The following GLB1L3 variants were observed in gnomAD, a reference collection of about 807,000 sequenced individuals.
GLB1L3 encodes the protein galactosidase beta 1 like 3, also known as beta-galactosidase-1-like protein 3.
In GLB1L3, 89 loss-of-function variants were observed where a neutral mutation model predicts 89.5. The ratio of observed to expected loss-of-function variants is 0.99; its 90% confidence interval spans 0.84 to 1.19. GLB1L3 has a LOEUF of 1.19. GLB1L3 is among the 50% of genes most tolerant of loss of function. GLB1L3 has a pLI of 0.00. For synonymous variants in GLB1L3, 314 were observed against 312.3 expected, an observed-to-expected ratio of 1.01 and a Z score of -0.06; for missense variants, 812 against 813.3, an observed-to-expected ratio of 1.00 and a Z score of 0.02.
chr11:134,302,606 T>A (rs954262739), intron 9 of GLB1L3, among the ~76,000 whole-genome samples: 1 of 152,226 alleles, frequency 6.6e-6, no homozygotes, highest in Non-Finnish European at 1.5e-5. Context: ...GTGAAAATTC[T>A]ATGTACTAAG....
At chr11:134,295,603 A>G (rs1025011872) in intron 9 of GLB1L3, among the ~76,000 whole-genome samples, 11 of 152,154 alleles carry the variant, frequency 7.2e-5, no homozygotes, top group Admixed American at 2.6e-4. Flanking sequence ...TGTGTCTTCA[A>G]CTTCCTTGGT....
intron 6 of GLB1L3, among the ~76,000 whole-genome samples, chr11:134,288,335 C>T (rs1343876530): frequency 6.6e-6 from 1 of 152,130 alleles, no homozygotes; most frequent in Non-Finnish European, 1.5e-5. Context: ...GAGTAAGTTT[C>T]CATGATCATG....
chr11:134,294,698 C>T (rs1296436354), intron 9 of GLB1L3, among the ~76,000 whole-genome samples: 1 of 152,228 alleles, frequency 6.6e-6, no homozygotes, highest in Non-Finnish European at 1.5e-5. Context: ...TATAAATTTA[C>T]CTTTTCTAGA....
At chr11:134,290,428 C>T (rs1941283709) in intron 7 of GLB1L3, among the ~76,000 whole-genome samples, 1 of 151,852 alleles carries the variant, frequency 6.6e-6, no homozygotes, top group African/African-American at 2.4e-5. Context: ...CAAAAATTAG[C>T]TGGGCGTGGT....
chr11:134,286,368 C>T (rs1940981909), intron 6 of GLB1L3, among the ~76,000 whole-genome samples: 1 of 152,200 alleles, frequency 6.6e-6, no homozygotes, highest in Non-Finnish European at 1.5e-5. Flanking sequence ...TAAACTCTGG[C>T]TCCGTTAGGT....
At position 134,311,134 on chromosome 11, in the gene GLB1L3, C is replaced by T; in HGVS notation, c.1251C>T (p.Tyr417=). ...AVYPPVRPSL[Y]LPLWDALSYL... The stretch of plus-strand genomic sequence containing the variant: ...ATCCCCCCGTGAGACCGTCGCTGTA[C>T]CTCCCGCTGTGGGACGCCCTATCCT... The change falls in exon 13 of 20, where the codon TAC becomes TAT. Residue 417 remains tyrosine (Y), a synonymous_variant. Coordinates refer to ENST00000431683, the MANE Select transcript of GLB1L3 (RefSeq NM_001080407.3). 1.2e-6 allele frequency: 2 copies of T among 1,613,926 alleles called. No individual in the cohort carries two copies. The highest frequency in any genetic ancestry group is 2.2e-5 in the South Asian group (2 of 91,072).
At chr11:134,321,595 AAGG>A (rs1395606103), downstream of GLB1L3, among the ~76,000 whole-genome samples, 3 of 152,188 alleles carry the variant, frequency 2.0e-5, no homozygotes, top group African/African-American at 2.4e-5. Flanking sequence ...AGCCATAAAA[AAGG>A]AGGAGTTCAT....
At chr11:134,303,406 T>G (rs1350290158) in intron 9 of GLB1L3, among the ~76,000 whole-genome samples, 1 of 152,244 alleles carries the variant, frequency 6.6e-6, no homozygotes, top group Non-Finnish European at 1.5e-5. Context: ...TAAGTGTTTC[T>G]TTTCTTTTTC....
At chr11:134,283,033 A>G (rs1940784183) in intron 5 of GLB1L3, among the ~76,000 whole-genome samples, 1 of 151,904 alleles carries the variant, frequency 6.6e-6, no homozygotes, top group Admixed American at 6.6e-5. Flanking sequence ...GAAATGTGAC[A>G]CTGTGCCTAA....
At chr11:134,291,541 C>A (rs932715025) in intron 7 of GLB1L3, among the ~76,000 whole-genome samples, 3 of 152,134 alleles carry the variant, frequency 2.0e-5, no homozygotes, top group Non-Finnish European at 4.4e-5. Flanking sequence ...CTGGCCTCTC[C>A]CATGTACTTT....
At chr11:134,290,307 G>A (rs1473662264) in intron 7 of GLB1L3, among the ~76,000 whole-genome samples, 3 of 152,106 alleles carry the variant, frequency 2.0e-5, no homozygotes, top group Non-Finnish European at 2.9e-5. Flanking sequence ...GCTCAGTGGC[G>A]CATGCCTAGA....
chr11:134,312,494 G>A lies in GLB1L3; in HGVS notation c.1428+5G>A. 2 of 1,610,500 alleles carry A rather than the reference G, an allele frequency of 1.2e-6. No homozygotes were observed. The highest frequency in any genetic ancestry group is 1.1e-5 in the South Asian group (1 of 91,012). On this transcript the variant is annotated splice_donor_5th_base_variant and intron_variant, in intron 14 of 19. Transcript: ENST00000431683. Reference sequence around the variant, plus strand: ...CACGCTCATGACGTGGCACAGGTAGGGCCAGCAGGCTGTCTGTGTGGGAAG... The same window carrying A: ...CACGCTCATGACGTGGCACAGGTAGAGCCAGCAGGCTGTCTGTGTGGGAAG...
chr11:134,310,357 C>T (rs1462980981), intron 11 of GLB1L3: 2 of 561,170 alleles, frequency 3.6e-6, no homozygotes, highest in Non-Finnish European at 6.3e-6. Context: ...TGGGGGCAAG[C>T]CCAGTGTCAT....
At chr11:134,313,748 G>T (rs1260730191) in intron 16 of GLB1L3, among the ~76,000 whole-genome samples, 193 bp from the exon 17 acceptor site, 3 of 152,210 alleles carry the variant, frequency 2.0e-5, no homozygotes, top group Non-Finnish European at 4.4e-5. Flanking sequence ...AGTACTAAGT[G>T]GGGGAACTTT....
chr11:134,305,915 T>C (rs1468315829), intron 9 of GLB1L3, among the ~76,000 whole-genome samples: 1 of 152,146 alleles, frequency 6.6e-6, no homozygotes, highest in African/African-American at 2.4e-5. Context: ...CTAATATTAC[T>C]ATTAGTATAA....
chr11:134,322,373 C>T (rs943070938), downstream of GLB1L3, among the ~76,000 whole-genome samples: 7 of 152,098 alleles, frequency 4.6e-5, no homozygotes, highest in South Asian at 4.1e-4. Context: ...ACTTGAGAAA[C>T]GTTTGTTCTA....
rs369453594 is a variant in GLB1L3, at chr11:134,312,384, C to A, written c.1323C>A (p.Asn441Lys). The A allele has an allele frequency of 6.2e-7, 1 of 1,613,854 alleles. No homozygotes were observed. ...CGCGTCAGCCCGTCAACATGGAGAA[C>A]CTTCCCATAAACAATGGGAGCGGCC... is the stretch of plus-strand genomic sequence containing the variant. ...VRSRQPVNME[N>K]LPINNGSGQS... Residue 441 changes from asparagine to lysine, a missense_variant, in exon 14 of 20, where the codon AAC (asparagine) becomes AAA (lysine). By Grantham distance (94) the Asn-to-Lys change is moderately conservative. Coordinates refer to ENST00000431683, the MANE Select transcript of GLB1L3 (RefSeq NM_001080407.3).
intron 1 of GLB1L3, 31 bp downstream of exon 1, chr11:134,276,794 C>T (rs1381774597): frequency 1.4e-6 from 2 of 1,398,950 alleles, no homozygotes; most frequent in African/African-American, 1.5e-5. Flanking sequence ...TCCCGGGCTG[C>T]CCACCACCCC....
intron 18 of GLB1L3, chr11:134,316,762 G>A (rs1943000231): frequency 6.6e-6 from 1 of 152,148 alleles, no homozygotes; most frequent in Non-Finnish European, 1.5e-5. Flanking sequence ...ACCTACTCTT[G>A]CTCTTTCACC....
Sources: gnomAD v4.1 joint callset for allele counts (sites outside exome capture counted in the v4.1 genomes callset) on GRCh38, gnomAD v4.1.1 for gene constraint, MANE v1.5 for transcripts, NCBI Gene and HGNC (gene_info 2026-07-23, HGNC 2026-07-21) for gene names.